Variants in ABCC4 observed in about 807,000 individuals in gnomAD.
ABCC4 encodes the protein ATP-binding cassette sub-family C member 4.
ABCC4 carries 102 observed loss-of-function variants against 168.5 expected under a neutral mutation model. That is an observed-to-expected ratio of 0.61 (90% CI 0.52 to 0.71). ABCC4 has a LOEUF of 0.71. Among genes scored for constraint, ABCC4 ranks in the 30% least tolerant of loss-of-function variants. ABCC4 has a pLI of 0.00. For missense variants in ABCC4, 1,402 were observed against 1,605.8 expected, an observed-to-expected ratio of 0.87 and a Z score of 2.17; for synonymous variants, 617 against 590.7, an observed-to-expected ratio of 1.04 and a Z score of -0.65.
At chr13:95,160,663 T>C (rs536561321) in intron 19 of ABCC4, among the ~76,000 whole-genome samples, 3 of 152,314 alleles carry the variant, frequency 2.0e-5, no homozygotes, top group East Asian at 3.9e-4. Flanking sequence ...TAACCACATA[T>C]TATCTTTCAG....
At chr13:95,235,043 A>G (rs1035423900) in intron 3 of ABCC4, among the ~76,000 whole-genome samples, 2 of 151,840 alleles carry the variant, frequency 1.3e-5, no homozygotes, top group African/African-American at 4.8e-5. Context: ...AGTGCACACC[A>G]TCATGTAGAG....
At chr13:95,058,800 C>T (rs1198272530) in intron 26 of ABCC4, among the ~76,000 whole-genome samples, 1 of 152,020 alleles carries the variant, frequency 6.6e-6, no homozygotes, top group Admixed American at 6.6e-5. Context: ...CTTGACACAC[C>T]CTGCAGGGCT....
chr13:95,029,241 GAGAGAGAGAGAGAA>G (rs1415776932), intron 30 of ABCC4, among the ~76,000 whole-genome samples: 1,141 of 6,806 alleles, frequency 0.17, 61 homozygotes, highest in Non-Finnish European at 0.29. Flanking sequence ...GAGAGAGAGA[GAGAGAGAGAGAGAA>G]AGAGAGAGAG....
intron 1 of ABCC4, among the ~76,000 whole-genome samples, chr13:95,296,809 A>G (rs1270647389): frequency 6.6e-6 from 1 of 152,166 alleles, no homozygotes; most frequent in Non-Finnish European, 1.5e-5. Context: ...AGCTGGCCAC[A>G]GTTCATAGGC....
chr13:95,231,218 A>G (rs1247358731), intron 4 of ABCC4, among the ~76,000 whole-genome samples: 1 of 152,200 alleles, frequency 6.6e-6, no homozygotes, highest in African/African-American at 2.4e-5. Flanking sequence ...GGGAGGCACA[A>G]TGATGTGAAT....
intron 19 of ABCC4, among the ~76,000 whole-genome samples, chr13:95,146,423 C>A (rs2036497398): frequency 6.6e-6 from 1 of 152,184 alleles, no homozygotes; most frequent in East Asian, 1.9e-4. Context: ...TTGGAAGAAA[C>A]AAACACAGGA....
chr13:95,176,224 A>C lies in ABCC4; in HGVS notation c.1727+1483T>G, dbSNP rs9524818. The stretch of plus-strand genomic sequence containing the variant: ...CTCAGCACTCCAGGAAGCCGAGGGC[A>C]GGGGGGGGGGGGGGGGGGGGGTGGA... On this transcript the variant is annotated intron_variant, in intron 13 of 30. Transcript: ENST00000645237. Among the ~76,000 whole-genome samples the C allele has an allele frequency of 4.7e-3, 27 of 5,806 alleles. 2 individuals are homozygous for C. The highest frequency in any genetic ancestry group is 7.8e-3 in the Non-Finnish European group (19 of 2,424). The allele number at this position is 5,806 out of a possible 152,430, so 3.8% of individuals were successfully genotyped here.
At chr13:95,176,244 G>GGGGGGGGGGGGGT (rs1317252304) in intron 13 of ABCC4, among the ~76,000 whole-genome samples, 1 of 44,910 alleles carries the variant, frequency 2.2e-5, no homozygotes, top group Non-Finnish European at 5.0e-5. Flanking sequence ...GGGGGGGGGG[G>GGGGGGGGGGGGGT]GTGGATCCCT....
At chr13:95,156,166 G>A (rs1475395020) in intron 19 of ABCC4, among the ~76,000 whole-genome samples, 4 of 152,158 alleles carry the variant, frequency 2.6e-5, no homozygotes, top group Non-Finnish European at 5.9e-5. Context: ...AAAAAACCCT[G>A]TTTGAAATGC....
intron 1 of ABCC4, among the ~76,000 whole-genome samples, chr13:95,249,726 T>A (rs2040206247): frequency 1.3e-5 from 2 of 152,156 alleles, no homozygotes; most frequent in Non-Finnish European, 2.9e-5. Flanking sequence ...CCTCATACAG[T>A]ATATTTCAGC....
chr13:95,054,875 T>A (rs2032996413), intron 26 of ABCC4, among the ~76,000 whole-genome samples: 1 of 152,164 alleles, frequency 6.6e-6, no homozygotes, highest in Admixed American at 6.5e-5. Flanking sequence ...GAGGCTCTCA[T>A]CCCTTTCCCT....
At chr13:95,219,858 G>GT (rs112967336) in intron 4 of ABCC4, among the ~76,000 whole-genome samples, 18,206 of 101,200 alleles carry the variant, frequency 0.18, 1,403 homozygotes, top group Non-Finnish European at 0.26. Context: ...TCTTCTTTCT[G>GT]CTTTTTTTTT....
chr13:95,140,329 G>A (rs2036278968), intron 19 of ABCC4, among the ~76,000 whole-genome samples: 1 of 152,206 alleles, frequency 6.6e-6, no homozygotes, highest in Non-Finnish European at 1.5e-5. Flanking sequence ...ACAGGCTACA[G>A]ATTGCCCAAG....
chr13:95,064,533 G>A (rs1481744804), intron 25 of ABCC4, among the ~76,000 whole-genome samples: 1 of 149,154 alleles, frequency 6.7e-6, no homozygotes, highest in Admixed American at 6.7e-5. Context: ...GTGTGTGTGT[G>A]GGGCTTATGT....
intron 9 of ABCC4, among the ~76,000 whole-genome samples, chr13:95,189,221 C>G (rs1192001255): frequency 6.7e-6 from 1 of 148,992 alleles, no homozygotes; most frequent in African/African-American, 2.5e-5. Flanking sequence ...GCAAGCTCCG[C>G]CTTCCGGGTT....
chr13:95,156,760 T>C (rs2036870860), intron 19 of ABCC4, among the ~76,000 whole-genome samples: 1 of 151,892 alleles, frequency 6.6e-6, no homozygotes, highest in Admixed American at 6.6e-5. Flanking sequence ...GAATAAAAAC[T>C]AGCAATGGGT....
chr13:95,270,579 A>C (rs2040822764), intron 1 of ABCC4, among the ~76,000 whole-genome samples: 1 of 152,198 alleles, frequency 6.6e-6, no homozygotes, highest in Non-Finnish European at 1.5e-5. Context: ...GTCTACCAGC[A>C]GCAGCCCAGC....
At chr13:95,210,616 C>A (rs1309421007) in intron 5 of ABCC4, 76 bp downstream of exon 5, 1 of 1,265,814 alleles carries the variant, frequency 7.9e-7, no homozygotes, top group East Asian at 2.3e-5. Flanking sequence ...AGAGTGAGCC[C>A]CTGCCTCCAG....
At chr13:95,089,385 CAAG>C (rs914936937) in intron 20 of ABCC4, among the ~76,000 whole-genome samples, 54 of 152,014 alleles carry the variant, frequency 3.6e-4, no homozygotes, top group Admixed American at 1.3e-4. Flanking sequence ...TTTGGGAGGC[CAAG>C]GAGGGCGGAT....
Sources: gnomAD v4.1 joint callset for allele counts (sites outside exome capture counted in the v4.1 genomes callset) on GRCh38, gnomAD v4.1.1 for gene constraint, MANE v1.5 for transcripts, NCBI Gene and HGNC (gene_info 2026-07-23, HGNC 2026-07-21) for gene names.